The following JPH3 variants were observed in gnomAD, a reference collection of about 807,000 sequenced individuals.
The protein encoded by JPH3 is junctophilin-3.
Under a neutral mutation model 59.6 loss-of-function variants are expected in JPH3, and 11 were observed. The ratio of observed to expected loss-of-function variants is 0.18; its 90% CI spans 0.12 to 0.31. JPH3 has a LOEUF of 0.31. Among genes scored for constraint, JPH3 ranks in the 10% least tolerant of loss-of-function variants. The pLI, the probability that JPH3 is intolerant of heterozygous loss-of-function variation, is 1.00. For synonymous variants in JPH3, 673 were observed against 483.6 expected (o/e 1.39, Z -5.14); for missense variants, 1,202 against 1,105.7 (o/e 1.09, Z -1.24).
chr16:87,673,368 C>A lies in JPH3; in HGVS notation c.1161-10774C>A, dbSNP rs192080422. On this transcript the variant is annotated intron_variant, in intron 2 of 4. Transcript: ENST00000284262. ...TACAGAAGATGCGAGGAAACAGACC[C>A]CCTCGTGCTTTGCTCGTGGGGGTGT... is the stretch of plus-strand genomic sequence containing the variant. 3.4e-3 allele frequency among the ~76,000 whole-genome samples: 519 copies of A among 152,114 alleles called. 10 individuals are homozygous for A. Among genetic ancestry groups the A allele is most frequent in the Non-Finnish European group, 1.1e-3 (72 of 68,008 alleles).
intron 2 of JPH3, among the ~76,000 whole-genome samples, chr16:87,647,899 G>A (rs959169342): frequency 2.0e-5 from 3 of 152,220 alleles, no homozygotes; most frequent in Non-Finnish European, 4.4e-5. Flanking sequence ...TCTGAGACCC[G>A]CAGACCCACA....
chr16:87,658,372 C>T (rs1214586030), intron 2 of JPH3, among the ~76,000 whole-genome samples: 2 of 151,658 alleles, frequency 1.3e-5, no homozygotes, highest in Non-Finnish European at 2.9e-5. Context: ...GCTTCTCCCC[C>T]TCTCTTTTTC....
At chr16:87,662,673 T>A (rs1237487076) in intron 2 of JPH3, among the ~76,000 whole-genome samples, 1 of 152,192 alleles carries the variant, frequency 6.6e-6, no homozygotes, top group Non-Finnish European at 1.5e-5. Context: ...TGCGGAGAGT[T>A]TGGGAGAAGT....
intron 2 of JPH3, among the ~76,000 whole-genome samples, chr16:87,657,867 G>C (rs927162407): frequency 6.6e-6 from 1 of 152,192 alleles, no homozygotes; most frequent in South Asian, 2.1e-4. Flanking sequence ...CCTTAGTCTG[G>C]GGGCATGTGC....
At chr16:87,636,256 G>C (rs575144372) in intron 1 of JPH3, among the ~76,000 whole-genome samples, 1 of 152,224 alleles carries the variant, frequency 6.6e-6, no homozygotes, top group Non-Finnish European at 1.5e-5. Flanking sequence ...GGGCGGGGGC[G>C]TCCTGCATCT....
At chr16:87,635,021 G>A (rs2031689127) in intron 1 of JPH3, among the ~76,000 whole-genome samples, 1 of 152,216 alleles carries the variant, frequency 6.6e-6, no homozygotes, top group South Asian at 2.1e-4. Context: ...CCATGGAAAT[G>A]TTTCCCCTTT....
intron 4 of JPH3, among the ~76,000 whole-genome samples, chr16:87,691,018 G>A (rs547191131): frequency 1.8e-4 from 27 of 152,220 alleles, no homozygotes; most frequent in African/African-American, 6.5e-4. Context: ...CCCATGGGGG[G>A]TGTTGGGGTT....
intron 3 of JPH3, among the ~76,000 whole-genome samples, chr16:87,684,829 G>C (rs563155366): frequency 6.6e-6 from 1 of 152,148 alleles, no homozygotes; most frequent in Admixed American, 6.5e-5. Flanking sequence ...CTCCCTTCGA[G>C]GGGGGGATCA....
Position 87,689,956 on chromosome 16 carries a change from C to T in JPH3, c.1596C>T (p.Gly532=), listed in dbSNP as rs1350136691. ...GGGACTGCGCCCGCAGCAGCTGGGGCGAGGAGCAGGCCGGGGGCTCCAGGG... is the reference window on the plus strand; with the variant it reads ...GGGACTGCGCCCGCAGCAGCTGGGGTGAGGAGCAGGCCGGGGGCTCCAGGG... ...RAGDCARSSW[G]EEQAGGSRGV... is the part of the protein sequence containing the mutation. Residue 532 remains glycine (G), a synonymous_variant, in exon 4 of 5, where the codon GGC becomes GGT. Coordinates refer to ENST00000284262, the MANE Select transcript of JPH3 (RefSeq NM_020655.4). The T allele has an allele frequency of 1.0e-5, 15 of 1,450,758 alleles. No homozygotes were observed. The highest frequency in any genetic ancestry group is 5.7e-5 in the African/African-American group (4 of 69,736). 89.9% of individuals were successfully genotyped at this position (1,450,758 alleles called of 1,614,324 possible).
Position 87,689,769 on chromosome 16 carries a change from T to C in JPH3, c.1409T>C (p.Leu470Pro), listed in dbSNP as rs760022296. 3.5e-5 allele frequency: 57 copies of C among 1,610,502 alleles called. No individual in the cohort carries two copies. Among genetic ancestry groups the C allele is most frequent in the Non-Finnish European group, 4.2e-6 (5 of 1,178,992 alleles). ...CGCAAGGGCACCACTCCCTCCGACC[T>C]GACCCCCGACGACAGCCCCCTGCAG... ...LYRKGTTPSD[L>P]TPDDSPLQSF... The change falls in exon 4 of 5, where the codon CTG becomes CCG. Residue 470 changes from leucine (L) to proline (P), a missense_variant. Physicochemically the swap from Leu to Pro is moderately conservative, Grantham distance 98 (BLOSUM62 -3). Coordinates refer to ENST00000284262, the MANE Select transcript of JPH3 (RefSeq NM_020655.4).
At chr16:87,660,396 G>C (rs191542665) in intron 2 of JPH3, among the ~76,000 whole-genome samples, 1 of 152,162 alleles carries the variant, frequency 6.6e-6, no homozygotes, top group Non-Finnish European at 1.5e-5. Flanking sequence ...TGTAGGGCTG[G>C]AGTGAAAGGG....
rs142660505 is a variant in JPH3, at chr16:87,687,424, C to T, written c.1286-2222C>T. ...GTGGCTGGCGCCAGCCTCTTGCTGCCTGTCTGGGAGGTCCCTGGCAGCCTC... is the reference window on the plus strand; with the variant it reads ...GTGGCTGGCGCCAGCCTCTTGCTGCTTGTCTGGGAGGTCCCTGGCAGCCTC... On this transcript the variant is annotated intron_variant, in intron 3 of 4. Transcript: ENST00000284262. Among the ~76,000 whole-genome samples the T allele has an allele frequency of 1.5e-3, 226 of 152,320 alleles. 2 individuals carry two copies. The highest frequency in any genetic ancestry group is 5.2e-3 in the African/African-American group (218 of 41,562).
intron 2 of JPH3, among the ~76,000 whole-genome samples, chr16:87,679,583 A>G (rs1221918717): frequency 6.6e-6 from 1 of 151,618 alleles, no homozygotes; most frequent in Non-Finnish European, 1.5e-5. Flanking sequence ...AAACCCTGCC[A>G]ATCCTTGCCT....
At chr16:87,665,204 T>G (rs1311542542) in intron 2 of JPH3, among the ~76,000 whole-genome samples, 4 of 152,052 alleles carry the variant, frequency 2.6e-5, no homozygotes, top group African/African-American at 9.7e-5. Flanking sequence ...CAGGGTGAGC[T>G]CACAGGCTTT....
intron 1 of JPH3, among the ~76,000 whole-genome samples, chr16:87,633,466 C>G (rs1032746336): frequency 6.6e-6 from 1 of 150,812 alleles, no homozygotes; most frequent in East Asian, 1.9e-4. Context: ...CTATTCAGAA[C>G]TCCACTAAGA....
At chr16:87,673,061 G>A (rs771887141) in intron 2 of JPH3, among the ~76,000 whole-genome samples, 4 of 152,060 alleles carry the variant, frequency 2.6e-5, no homozygotes, top group Non-Finnish European at 4.4e-5. Context: ...CAGGAGAATC[G>A]CTTAAACCCA....
intron 1 of JPH3, among the ~76,000 whole-genome samples, chr16:87,629,474 T>G (rs3849256): frequency 0.17 from 25,788 of 151,718 alleles, 2,469 homozygotes; most frequent in Non-Finnish European, 0.22. Flanking sequence ...TATTTGTAAT[T>G]GCCCAAAGTC....
rs140429521 is a variant in JPH3, at chr16:87,640,641, C to A, written c.383-3617C>A. ...CTCCTGACTTCAGGTGATCTGCTCGCCTCGGCCTCCCAAAGTGCTGGGATT... is the reference window on the plus strand; with the variant it reads ...CTCCTGACTTCAGGTGATCTGCTCGACTCGGCCTCCCAAAGTGCTGGGATT... On this transcript the variant is annotated intron_variant, in intron 1 of 4. Transcript: ENST00000284262. Among the ~76,000 whole-genome samples, 557 of 152,248 alleles carry A rather than the reference C, an allele frequency of 3.7e-3. 9 individuals are homozygous for A. The highest frequency in any genetic ancestry group is 0.012 in the African/African-American group (512 of 41,540).
intron 4 of JPH3, chr16:87,694,816 C>G (rs1429605548): frequency 5.2e-6 from 1 of 192,078 alleles, no homozygotes; most frequent in Non-Finnish European, 1.1e-5. Flanking sequence ...CACTTGCTGT[C>G]CCCTCCTCCC....
Sources: gnomAD v4.1 joint callset for allele counts (sites outside exome capture counted in the v4.1 genomes callset) on GRCh38, gnomAD v4.1.1 for gene constraint, MANE v1.5 for transcripts, NCBI Gene and HGNC (gene_info 2026-07-23, HGNC 2026-07-21) for gene names.